TGFBR2: variants seen among roughly 807,000 people sequenced by gnomAD.
TGFBR2 encodes the protein TGF-beta receptor type-2.
TGFBR2 carries 18 observed loss-of-function variants against 49.0 expected under a neutral mutation model. The ratio of observed to expected loss-of-function variants is 0.37; its 90% CI spans 0.25 to 0.54. The LOEUF is 0.54. Among genes scored for constraint, TGFBR2 ranks in the 20% least tolerant of loss-of-function variants. The pLI is 0.85. For synonymous variants in TGFBR2, 282 were observed against 275.9 expected (o/e 1.02, Z -0.22); for missense variants, 525 against 722.6 (o/e 0.73, Z 3.13).
At chr3:30,632,785 G>T (rs1698460996) in intron 1 of TGFBR2, among the ~76,000 whole-genome samples, 1 of 152,156 alleles carries the variant, frequency 6.6e-6, no homozygotes, top group Non-Finnish European at 1.5e-5. Context: ...TCCTACATGG[G>T]ACGATTTCAT....
intron 3 of TGFBR2, among the ~76,000 whole-genome samples, chr3:30,653,250 CTTTTTTTT>C (rs3076740): frequency 8.8e-6 from 1 of 113,438 alleles, no homozygotes; most frequent in East Asian, 2.5e-4. Flanking sequence ...GGAATGAAAA[CTTTTTTTT>C]TTTTTTTTTT....
intron 1 of TGFBR2, among the ~76,000 whole-genome samples, chr3:30,614,904 G>C (rs1292840952): frequency 6.6e-6 from 1 of 152,140 alleles, no homozygotes. Context: ...ATGGGTGTTG[G>C]AAGACTAGAG....
intron 3 of TGFBR2, among the ~76,000 whole-genome samples, chr3:30,658,948 G>A (rs1699058805): frequency 6.6e-6 from 1 of 152,168 alleles, no homozygotes; most frequent in Non-Finnish European, 1.5e-5. Flanking sequence ...GACTTCCGTT[G>A]TTTTCCGAGT....
intron 5 of TGFBR2, among the ~76,000 whole-genome samples, chr3:30,674,796 G>C (rs3773648): frequency 0.033 from 5,065 of 152,042 alleles, 352 homozygotes; most frequent in East Asian, 0.31. Context: ...GCTTAAGCCT[G>C]CAAGACTGAT....
chr3:30,689,146 T>C (rs1447988071), intron 6 of TGFBR2, among the ~76,000 whole-genome samples: 2 of 152,198 alleles, frequency 1.3e-5, no homozygotes, highest in Non-Finnish European at 2.9e-5. Context: ...CCTCTTATTT[T>C]TCCTTGTTAA....
intron 1 of TGFBR2, among the ~76,000 whole-genome samples, chr3:30,625,163 A>ACT (rs992898804): frequency 8.5e-5 from 13 of 152,348 alleles, no homozygotes; most frequent in African/African-American, 2.9e-4. Context: ...CAAATTTTGA[A>ACT]CATATTAAAA....
At chr3:30,634,489 T>C (rs984687916) in intron 1 of TGFBR2, among the ~76,000 whole-genome samples, 3 of 152,234 alleles carry the variant, frequency 2.0e-5, no homozygotes, top group African/African-American at 7.2e-5. Context: ...TGTCTTATCC[T>C]GTCCCCCTTC....
rs183424385 is a variant in TGFBR2 at position 30,615,167 on chromosome 3, A to C, written c.94+8190A>C. On this transcript the variant is annotated intron_variant, in intron 1 of 6. Transcript: ENST00000295754. ...TGAGTAAAACAGGCACTTTATTTGA[A>C]AGGACTGGGAGACTTCACAGATGCA... 2.3e-3 allele frequency among the ~76,000 whole-genome samples: 357 copies of C among 152,284 alleles called. 3 individuals carry two copies. The highest frequency in any genetic ancestry group is 7.5e-3 in the Admixed American group (115 of 15,294).
chr3:30,672,065 C>T lies in TGFBR2; in HGVS notation c.882C>T (p.Phe294=), dbSNP rs769235910. ...CTTGGAAGACAGAGAAGGACATCTT[C>T]TCAGACATCAATCTGAAGCATGAGA... ...YASWKTEKDI[F]SDINLKHENI... is the part of the protein sequence containing the mutation. The change falls in exon 4 of 7, where the codon TTC becomes TTT. Residue 294 remains phenylalanine, a synonymous_variant. Coordinates refer to ENST00000295754, the MANE Select transcript of TGFBR2 (RefSeq NM_003242.6). This position sits in a 1 kb window ranked among gnomAD's most constrained non-coding sequence, Gnocchi z 4.5. 1 of 1,614,246 alleles carries T rather than the reference C, an allele frequency of 6.2e-7. No individual in the cohort carries two copies. The highest frequency in any genetic ancestry group is 8.5e-7 in the Non-Finnish European group (1 of 1,180,038).
intron 1 of TGFBR2, among the ~76,000 whole-genome samples, chr3:30,615,431 T>C (rs1276982872): frequency 6.6e-6 from 1 of 152,130 alleles, no homozygotes; most frequent in Non-Finnish European, 1.5e-5. Context: ...TTGAAGTCAA[T>C]CCAAAAAATT....
chr3:30,675,041 G>A (rs1699411385), intron 5 of TGFBR2, among the ~76,000 whole-genome samples: 1 of 152,050 alleles, frequency 6.6e-6, no homozygotes, highest in Admixed American at 6.5e-5. Flanking sequence ...AAACATCTGG[G>A]GTGCCAGGGT....
At chr3:30,665,573 C>T (rs1463743708) in intron 3 of TGFBR2, among the ~76,000 whole-genome samples, 1 of 152,244 alleles carries the variant, frequency 6.6e-6, no homozygotes, top group Non-Finnish European at 1.5e-5. Context: ...TCCCTTCCCA[C>T]TCCACAGAAG....
At chr3:30,691,240 C>A (rs1456363945) in intron 6 of TGFBR2, among the ~76,000 whole-genome samples, 180 bp from the exon 7 acceptor site, 2 of 152,224 alleles carry the variant, frequency 1.3e-5, no homozygotes, top group East Asian at 3.8e-4. Context: ...AACCCCCCAC[C>A]ACCCTTTCCA....
rs368346624 is a variant in TGFBR2, at chr3:30,671,739, T to A, written c.556T>A (p.Phe186Ile). The change falls in exon 4 of 7, where the codon TTC becomes ATC. Residue 186 changes from phenylalanine (F) to isoleucine (I), a missense_variant. Physicochemically the swap from Phe to Ile is conservative, Grantham distance 21. Transcript: ENST00000295754. ...AGTTGCCATATCTGTCATCATCATC[T>A]TCTACTGCTACCGCGTTAACCGGCA... ...LGVAISVIII[F>I]YCYRVNRQQK... The A allele has an allele frequency of 1.9e-5, 30 of 1,614,080 alleles. No homozygotes were observed. The highest frequency in any genetic ancestry group is 2.5e-5 in the Non-Finnish European group (30 of 1,180,032).
At chr3:30,678,591 T>C (rs1321027225) in intron 5 of TGFBR2, among the ~76,000 whole-genome samples, 1 of 148,138 alleles carries the variant, frequency 6.8e-6, no homozygotes, top group Admixed American at 6.7e-5. Context: ...ACCTCAACTG[T>C]GTGCAGAAGG....
intron 3 of TGFBR2, chr3:30,661,705 C>G: frequency 2.4e-6 from 1 of 412,188 alleles, no homozygotes; most frequent in Non-Finnish European, 4.8e-6. Flanking sequence ...ACAGAAAGAA[C>G]AAACCATCAG....
In TGFBR2 at chr3:30,644,887, A is replaced by G. The variant is rs1698702702; in HGVS notation, c.235A>G (p.Lys79Glu). ...CTGCAGCATCACCTCCATCTGTGAG[A>G]AGCCACAGGAAGTCTGTGTGGCTGT... ...SNCSITSICEKPQEVCVAVWR... is the reference protein window; with the variant it reads ...SNCSITSICEEPQEVCVAVWR... The change falls in exon 2 of 7, where the codon AAG becomes GAG. Residue 79 changes from lysine (K) to glutamate (E), a missense_variant. Coordinates refer to ENST00000295754, the MANE Select transcript of TGFBR2 (RefSeq NM_003242.6). The G allele has an allele frequency of 6.2e-7, 1 of 1,614,166 alleles. No homozygotes were observed. The highest frequency in any genetic ancestry group is 8.5e-7 in the Non-Finnish European group (1 of 1,179,996).
Position 30,672,457 on chromosome 3 carries a change from A to T in TGFBR2, c.1254+20A>T. On this transcript the variant is annotated intron_variant, in intron 4 of 6. Coordinates refer to ENST00000295754, the MANE Select transcript of TGFBR2 (RefSeq NM_003242.6). The surrounding 1 kb of genome is among the most constrained non-coding windows in gnomAD (Gnocchi z 4.5). ...GGGCAGGTAAGTTAGAGCTAGTGCT[A>T]GATCCCCTTTACCTTGAGCCTGGCC... 6.2e-7 allele frequency: 1 copy of T among 1,613,500 alleles called. No individual in the cohort carries two copies. Among genetic ancestry groups the T allele is most frequent in the Non-Finnish European group, 8.5e-7 (1 of 1,179,410 alleles).
intron 3 of TGFBR2, among the ~76,000 whole-genome samples, chr3:30,666,960 G>T (rs901785444): frequency 2.6e-5 from 4 of 151,988 alleles, no homozygotes; most frequent in Non-Finnish European, 5.9e-5. Context: ...TTCTTAGTTG[G>T]CTCTCACCAA....
Sources: allele counts gnomAD v4.1 joint callset (sites outside exome capture counted in the v4.1 genomes callset), GRCh38; gene constraint gnomAD v4.1.1; non-coding constraint Gnocchi (gnomAD v3.1); transcripts MANE v1.5; gene names NCBI Gene and HGNC (gene_info 2026-07-23, HGNC 2026-07-21).